The following ZZEF1 variants were observed in gnomAD, a reference collection of about 807,000 sequenced individuals.
ZZEF1 encodes zinc finger ZZ-type and EF-hand domain-containing protein 1.
Under a neutral mutation model 342.8 loss-of-function variants are expected in ZZEF1, and 157 were observed. The ratio of observed to expected loss-of-function variants is 0.46; its 90% CI spans 0.40 to 0.52. ZZEF1 has a LOEUF of 0.52. Among genes scored for constraint, ZZEF1 ranks in the 20% least tolerant of loss-of-function variants. ZZEF1 has a pLI of 0.00. For synonymous variants in ZZEF1, 1,505 were observed against 1,429.1 expected (o/e 1.05, Z -1.20); for missense variants, 3,480 against 3,725.6 (o/e 0.93, Z 1.72).
rs1324282564 is a variant in ZZEF1 at position 4,019,740 on chromosome 17, C to T, written c.7434G>A (p.Leu2478=). Residue 2478 remains leucine, a synonymous_variant, in exon 46 of 55, where the codon CTG becomes CTA. Transcript: ENST00000381638. The part of the protein sequence containing the change: ...LMAHDALNAP[L]HILRAIYELQ... ...GTTCGTATATGGCCCGGAGAATGTG[C>T]AGAGGGGCATTGAGGGCATCATGAG... 6.2e-7 allele frequency: 1 copy of T among 1,611,540 alleles called. No individual in the cohort carries two copies. Among genetic ancestry groups the T allele is most frequent in the African/African-American group, 1.3e-5 (1 of 74,706 alleles).
rs764223566 is a variant in ZZEF1, at chr17:4,051,154, C to T, written c.5601-111G>A. The T allele has an allele frequency of 4.6e-4, 637 of 1,392,996 alleles. 1 individual carries two copies. Among genetic ancestry groups the T allele is most frequent in the Middle Eastern group, 2.0e-3 (9 of 4,540 alleles). The allele number at this position is 1,392,996 out of a possible 1,614,324, so 86.3% of individuals were successfully genotyped here. ...TGTGGTCGCAACTGGGCATTAGTCACCTCTAGGATGCGCTTACTGAAAATG... is the reference window on the plus strand; with the variant it reads ...TGTGGTCGCAACTGGGCATTAGTCATCTCTAGGATGCGCTTACTGAAAATG... On this transcript the variant is annotated intron_variant, in intron 35 of 54. Transcript: ENST00000381638.
chr17:4,041,117 G>A (rs2056792923), intron 39 of ZZEF1, among the ~76,000 whole-genome samples: 1 of 152,140 alleles, frequency 6.6e-6, no homozygotes, highest in African/African-American at 2.4e-5. Context: ...CAAGCCTGAG[G>A]GTACTGATTT....
chr17:4,084,913 G>A (rs1462381716), intron 16 of ZZEF1, among the ~76,000 whole-genome samples: 1 of 152,160 alleles, frequency 6.6e-6, no homozygotes, highest in Non-Finnish European at 1.5e-5. Flanking sequence ...TGGGCTTCGA[G>A]ACCAGCCTGG....
rs1162933698 is a variant in ZZEF1 at position 4,034,115 on chromosome 17, C to A, written c.6484G>T (p.Ala2162Ser). The change falls in exon 40 of 55, where the codon GCC becomes TCC. Residue 2162 changes from alanine to serine, a missense_variant. Ala to Ser is a moderately conservative substitution (Grantham distance 99). This residue lies in a region of ZZEF1 where 1,269 missense variants were observed against 1,342.4 expected (regional missense o/e 0.95). Transcript: ENST00000381638. ...VDAAVIKVLS[A>S]KHNLFAAGDS... Reference sequence around the variant, plus strand: ...CCTGCAGCAAACAGGTTGTGTTTGGCTGAGAGGACTTTGATCACTGCGGCG... The same window carrying A: ...CCTGCAGCAAACAGGTTGTGTTTGGATGAGAGGACTTTGATCACTGCGGCG... 1.2e-6 allele frequency: 2 copies of A among 1,614,058 alleles called. No homozygotes were observed. The highest frequency in any genetic ancestry group is 1.7e-6 in the Non-Finnish European group (2 of 1,180,044).
At chr17:4,082,603 G>T in intron 16 of ZZEF1, 99 bp from the exon 17 acceptor site, 2 of 1,137,862 alleles carry the variant, frequency 1.8e-6, no homozygotes, top group Non-Finnish European at 1.3e-6. Context: ...CTGTTCTCAA[G>T]TATGAGGAAT....
chr17:4,051,031 G>A lies in ZZEF1; in HGVS notation c.5613C>T (p.Thr1871=), dbSNP rs769277999. The A allele has an allele frequency of 6.2e-7, 1 of 1,614,174 alleles. No individual in the cohort carries two copies. The highest frequency in any genetic ancestry group is 2.2e-5 in the East Asian group (1 of 44,892). Reference sequence around the variant, plus strand: ...CCATTGGGTGGGCCGTGATGCTGTGGGTAGGCAAATGGCTGCAAAGGCAAG... The same window carrying A: ...CCATTGGGTGGGCCGTGATGCTGTGAGTAGGCAAATGGCTGCAAAGGCAAG... ...AKKYSYGHLP[T]HSITAHPMVT... The change falls in exon 36 of 55, where the codon ACC becomes ACT. Residue 1871 remains threonine, a synonymous_variant. Coordinates refer to ENST00000381638, the MANE Select transcript of ZZEF1 (RefSeq NM_015113.4).
chr17:4,140,310 C>G (rs1275225380), intron 1 of ZZEF1, among the ~76,000 whole-genome samples: 1 of 152,210 alleles, frequency 6.6e-6, no homozygotes, highest in Non-Finnish European at 1.5e-5. Context: ...TTTCCTCTGC[C>G]TGAAACGCTG....
Position 4,075,135 on chromosome 17 carries a change from G to A in ZZEF1, c.3445C>T (p.Arg1149Cys), listed in dbSNP as rs913304867. The stretch of plus-strand genomic sequence containing the variant: ...TCAGTGCCAACTTTTGTGTCATAGC[G>A]TGTTTTCCGACCTCTAGCGTCGGTA... ...EFTDARGRKT[R>C]YDTKVGTDKW... Residue 1149 changes from arginine to cysteine, a missense_variant, in exon 23 of 55, where the codon CGC becomes TGC. This residue lies in a region of ZZEF1 where 1,528 missense variants were observed against 1,624.1 expected (regional missense o/e 0.94). Transcript: ENST00000381638. 3.1e-6 allele frequency: 5 copies of A among 1,614,174 alleles called. No individual in the cohort carries two copies. Among genetic ancestry groups the A allele is most frequent in the African/African-American group, 2.7e-5 (2 of 75,040 alleles).
intron 37 of ZZEF1, among the ~76,000 whole-genome samples, chr17:4,045,502 TATG>T (rs770080515): frequency 6.6e-6 from 1 of 152,230 alleles, no homozygotes; most frequent in Admixed American, 6.5e-5. Context: ...TTATCTTTAA[TATG>T]ATGAAGATAA....
intron 28 of ZZEF1, 25 bp from the exon 29 acceptor site, chr17:4,064,854 T>G (rs1453616351): frequency 5.5e-5 from 65 of 1,171,886 alleles, no homozygotes; most frequent in South Asian, 3.2e-4. Context: ...GAATCATAAT[T>G]GAAAAAAAAA....
At chr17:4,125,031 G>A (rs2058551709) in intron 1 of ZZEF1, among the ~76,000 whole-genome samples, 1 of 152,206 alleles carries the variant, frequency 6.6e-6, no homozygotes, top group Non-Finnish European at 1.5e-5. Flanking sequence ...CCTGGATTAA[G>A]TAACATTTGA....
chr17:4,085,509 G>A (rs1403578286), intron 16 of ZZEF1, among the ~76,000 whole-genome samples, 161 bp downstream of exon 16: 2 of 152,196 alleles, frequency 1.3e-5, no homozygotes, highest in East Asian at 3.9e-4. Flanking sequence ...TCTGAGTGGA[G>A]TGCCATGTCC....
intron 3 of ZZEF1, among the ~76,000 whole-genome samples, chr17:4,116,370 C>T (rs747898026): frequency 6.6e-6 from 1 of 152,208 alleles, no homozygotes; most frequent in Non-Finnish European, 1.5e-5. Flanking sequence ...GCCCTAACTC[C>T]ATCTGTTGGA....
At chr17:4,007,068 C>A (rs116168236) in intron 54 of ZZEF1, 98 bp from the exon 55 acceptor site, 2 of 1,110,380 alleles carry the variant, frequency 1.8e-6, no homozygotes, top group Admixed American at 2.6e-5. Flanking sequence ...GATGTGGGGA[C>A]GGAGGAGGGG....
Position 4,014,166 on chromosome 17 carries a change from G to A in ZZEF1, c.8337C>T (p.Phe2779=), listed in dbSNP as rs746628036. The A allele has an allele frequency of 6.2e-7, 1 of 1,614,178 alleles. No homozygotes were observed. Residue 2779 remains phenylalanine (F), a synonymous_variant, in exon 51 of 55, where the codon TTC becomes TTT. Coordinates refer to ENST00000381638, the MANE Select transcript of ZZEF1 (RefSeq NM_015113.4). The surrounding 1 kb of genome is among the most constrained non-coding windows in gnomAD (Gnocchi z 4.4). ...ELPGDTLYYR[F]TSDMSNTEWG... ...ACTCGGTGTTGCTCATGTCGGAGGT[G>A]AAGCGGTAATACAGAGTGTCTCCTA...
intron 42 of ZZEF1, 130 bp downstream of exon 42, chr17:4,031,996 G>A (rs919109429): frequency 1.1e-6 from 1 of 937,014 alleles, no homozygotes; most frequent in Non-Finnish European, 1.6e-6. Flanking sequence ...AAGAAGCTCG[G>A]GGAGCTATAA....
chr17:4,122,123 A>C (rs1210396261), intron 2 of ZZEF1, among the ~76,000 whole-genome samples: 3 of 152,134 alleles, frequency 2.0e-5, no homozygotes, highest in African/African-American at 4.8e-5. Context: ...ATTTACATTT[A>C]TGTGTCTATC....
At chr17:4,124,079 A>G (rs200277831) in intron 1 of ZZEF1, 28 bp from the exon 2 acceptor site, 116 of 1,581,096 alleles carry the variant, frequency 7.3e-5, no homozygotes, top group Admixed American at 1.5e-4. Flanking sequence ...CAAGAAAATC[A>G]GGGCTGTTTC....
At chr17:4,058,969 T>C (rs1013837377) in intron 31 of ZZEF1, among the ~76,000 whole-genome samples, 1 of 151,920 alleles carries the variant, frequency 6.6e-6, no homozygotes, top group African/African-American at 2.4e-5. Flanking sequence ...AAAGAAAATA[T>C]ACACACCAGA....
Sources: gnomAD v4.1 joint callset for allele counts (sites outside exome capture counted in the v4.1 genomes callset) on GRCh38, gnomAD v4.1.1 for gene constraint, gnomAD v4.1.1 regional missense constraint, Gnocchi (gnomAD v3.1) non-coding constraint, MANE v1.5 for transcripts, NCBI Gene and HGNC (gene_info 2026-07-23, HGNC 2026-07-21) for gene names.